The following SCN8A variants were observed in gnomAD, a reference collection of about 807,000 sequenced individuals.
SCN8A encodes sodium voltage-gated channel alpha subunit 8, also known as sodium channel protein type 8 subunit alpha.
In SCN8A, 30 loss-of-function variants were observed where a neutral mutation model predicts 184.1. That is an observed-to-expected ratio of 0.16 (90% CI 0.12 to 0.22). The LOEUF (loss-of-function observed/expected upper bound fraction) is 0.22. Among genes scored for constraint, SCN8A ranks in the 10% least tolerant of loss-of-function variants. SCN8A has a pLI of 1.00. For synonymous variants in SCN8A, 852 were observed against 907.0 expected (o/e 0.94, Z 1.09); for missense variants, 1,057 against 2,498.9 (o/e 0.42, Z 12.30).
At chr12:51,614,729 A>T (rs1939795187) in intron 1 of SCN8A, among the ~76,000 whole-genome samples, 1 of 151,114 alleles carries the variant, frequency 6.6e-6, no homozygotes, top group Non-Finnish European at 1.5e-5. Flanking sequence ...TTCTATTTTT[A>T]ACTTACATTT....
intron 16 of SCN8A, 70 bp from the exon 17 acceptor site, chr12:51,768,795 A>G (rs1592151250): frequency 4.5e-6 from 6 of 1,328,450 alleles, no homozygotes; most frequent in Middle Eastern, 3.9e-4. Flanking sequence ...ATTGGCTTCC[A>G]GTTTGCAACC....
chr12:51,738,711 A>G lies in SCN8A; in HGVS notation c.1999-7192A>G, dbSNP rs1942368156. 1.3e-5 allele frequency among the ~76,000 whole-genome samples: 2 copies of G among 152,196 alleles called. 1 individual carries two copies. Among genetic ancestry groups the G allele is most frequent in the South Asian group, 4.1e-4 (2 of 4,832 alleles). ...TAGATATAACAATTTGAATTTCCCC[A>G]TTGTAATCTAAATCAATGACTCCTG... On this transcript the variant is annotated intron_variant, in intron 12 of 26. Transcript: ENST00000627620.
At chr12:51,747,926 A>T (rs1189946243) in intron 13 of SCN8A, among the ~76,000 whole-genome samples, 2 of 151,994 alleles carry the variant, frequency 1.3e-5, no homozygotes, top group East Asian at 3.8e-4. Flanking sequence ...GTGTTCCTGA[A>T]TAGGAAAATA....
intron 12 of SCN8A, among the ~76,000 whole-genome samples, chr12:51,739,814 G>GAC (rs554288348): frequency 2.2e-3 from 328 of 152,124 alleles, no homozygotes; most frequent in Non-Finnish European, 3.3e-3. Context: ...AGGAATTAAA[G>GAC]ACACACACAC....
intron 8 of SCN8A, among the ~76,000 whole-genome samples, chr12:51,701,770 A>C (rs1436682458): frequency 2.0e-5 from 3 of 152,170 alleles, no homozygotes; most frequent in Non-Finnish European, 4.4e-5. Context: ...ACATTACATG[A>C]AAATGCTTTG....
At chr12:51,711,715 T>TC (rs1180089244) in intron 11 of SCN8A, among the ~76,000 whole-genome samples, 8 of 137,996 alleles carry the variant, frequency 5.8e-5, no homozygotes, top group Admixed American at 5.6e-4. Flanking sequence ...TCTGAGTTCT[T>TC]TTTTTTTTTT....
At chr12:51,671,817 A>G (rs988624821) in intron 2 of SCN8A, among the ~76,000 whole-genome samples, 1 of 152,226 alleles carries the variant, frequency 6.6e-6, no homozygotes, top group African/African-American at 2.4e-5. Context: ...GTCCCATCAT[A>G]TGACAATTTC....
rs563156638 is a variant in SCN8A, at chr12:51,763,067, T to C, written c.2544+391T>C. On this transcript the variant is annotated intron_variant, in intron 15 of 26. Coordinates refer to ENST00000627620, the MANE Select transcript of SCN8A (RefSeq NM_001330260.2). ...TTTAAATCTGAACATCTCCTTGAAA[T>C]GGCAAGAATTTCTCCTTGTTCAAAG... is the stretch of plus-strand genomic sequence containing the variant. Among the ~76,000 whole-genome samples, 4 of 152,316 alleles carry C rather than the reference T, an allele frequency of 2.6e-5. No individual in the cohort carries two copies. The East Asian group carries it at 7.7e-4, about 29-fold the overall frequency.
intron 6 of SCN8A, among the ~76,000 whole-genome samples, chr12:51,694,046 C>T (rs1199988799): frequency 6.6e-6 from 1 of 152,224 alleles, no homozygotes; most frequent in Non-Finnish European, 1.5e-5. Context: ...GATTCTCCTG[C>T]CTCAGCCTCC....
chr12:51,787,054 C>G (rs1188980910), intron 22 of SCN8A, among the ~76,000 whole-genome samples: 1 of 152,168 alleles, frequency 6.6e-6, no homozygotes, highest in African/African-American at 2.4e-5. Flanking sequence ...TGCTCAGGAA[C>G]AGAGCTGTGC....
intron 1 of SCN8A, among the ~76,000 whole-genome samples, chr12:51,640,325 C>G (rs996597642): frequency 7.5e-6 from 1 of 134,026 alleles, no homozygotes; most frequent in African/African-American, 2.8e-5. Context: ...ACTGAGAAAC[C>G]AAAAAAATTT....
chr12:51,699,499 C>G (rs1941647527), intron 6 of SCN8A, 71 bp from the exon 7 acceptor site: 10 of 1,192,104 alleles, frequency 8.4e-6, no homozygotes, highest in Admixed American at 4.3e-5. Context: ...CAGCCAGTGG[C>G]TAAGAGGGAG....
Position 51,769,130 on chromosome 12 carries a change from A to C in SCN8A, c.3167A>C (p.Asn1056Thr). ...CACACCGGTGCAGACATCCACCGGAATGGTGACTTCCAGAAGAATGGCAAT... is the reference window on the plus strand; with the variant it reads ...CACACCGGTGCAGACATCCACCGGACTGGTGACTTCCAGAAGAATGGCAAT... The part of the protein sequence containing the change: ...ANHTGADIHR[N>T]GDFQKNGNGT... The change falls in exon 17 of 27, where the codon AAT becomes ACT. Residue 1056 changes from asparagine (N) to threonine (T), a missense_variant. Physicochemically the swap from Asn to Thr is moderately conservative, Grantham distance 65. Coordinates refer to ENST00000627620, the MANE Select transcript of SCN8A (RefSeq NM_001330260.2). The C allele has an allele frequency of 6.2e-7, 1 of 1,613,478 alleles. No homozygotes were observed. Among genetic ancestry groups the C allele is most frequent in the Non-Finnish European group, 8.5e-7 (1 of 1,179,652 alleles).
At position 51,806,598 on chromosome 12, in the gene SCN8A, A is replaced by G. The variant is rs777665952; in HGVS notation, c.5112A>G (p.Ser1704=). The change falls in exon 27 of 27, where the codon TCA becomes TCG. Residue 1704 remains serine (S), a synonymous_variant. Transcript: ENST00000627620. This position sits in a 1 kb window ranked among gnomAD's most constrained non-coding sequence, Gnocchi z 8.7. ...SMICLFQITT[S]AGWDGLLLPI... ...TCTGCCTGTTTCAAATCACAACCTCAGCTGGTTGGGATGGCCTGCTGCTGC... is the reference window on the plus strand; with the variant it reads ...TCTGCCTGTTTCAAATCACAACCTCGGCTGGTTGGGATGGCCTGCTGCTGC... 1.9e-6 allele frequency: 3 copies of G among 1,614,054 alleles called. No homozygotes were observed. The African/African-American group carries it at 4.0e-5, about 22-fold the overall frequency.
At chr12:51,781,705 G>A (rs898064812) in intron 21 of SCN8A, among the ~76,000 whole-genome samples, 2 of 118,948 alleles carry the variant, frequency 1.7e-5, no homozygotes, top group African/African-American at 5.2e-5. Flanking sequence ...AATCAAAGGG[G>A]CAACTGGCTT....
chr12:51,658,243 A>G (rs1354517542), intron 1 of SCN8A, among the ~76,000 whole-genome samples: 1 of 152,162 alleles, frequency 6.6e-6, no homozygotes, highest in Non-Finnish European at 1.5e-5. Flanking sequence ...CTTGCAGTTC[A>G]TGAACATGGG....
intron 1 of SCN8A, among the ~76,000 whole-genome samples, chr12:51,647,271 A>G (rs1940611407): frequency 6.6e-6 from 1 of 152,252 alleles, no homozygotes; most frequent in Admixed American, 6.5e-5. Context: ...ATACATTTAT[A>G]TCCACACTAG....
chr12:51,714,606 C>T (rs1286598801), intron 11 of SCN8A, among the ~76,000 whole-genome samples: 1 of 152,122 alleles, frequency 6.6e-6, no homozygotes, highest in Non-Finnish European at 1.5e-5. Flanking sequence ...GTCTCCAGAC[C>T]ACACTTTAAG....
At chr12:51,671,763 T>C (rs1941135389) in intron 2 of SCN8A, among the ~76,000 whole-genome samples, 1 of 152,216 alleles carries the variant, frequency 6.6e-6, no homozygotes, top group East Asian at 1.9e-4. Flanking sequence ...TTGTAAATGT[T>C]TCTTTACATA....
Sources: allele counts gnomAD v4.1 joint callset (sites outside exome capture counted in the v4.1 genomes callset), GRCh38; gene constraint gnomAD v4.1.1; non-coding constraint Gnocchi (gnomAD v3.1); transcripts MANE v1.5; gene names NCBI Gene and HGNC (gene_info 2026-07-23, HGNC 2026-07-21).